HS6ST3: variants seen among roughly 807,000 people sequenced by gnomAD.
The protein encoded by HS6ST3 is heparan sulfate 6-O-sulfotransferase 3, also known as heparan-sulfate 6-O-sulfotransferase 3.
HS6ST3 carries 12 observed loss-of-function variants against 36.7 expected under a neutral mutation model. The ratio of observed to expected loss-of-function variants is 0.33; its 90% CI spans 0.21 to 0.53. The LOEUF is 0.53. HS6ST3 is among the 20% of genes least tolerant of loss of function. The pLI is 0.95. For synonymous variants in HS6ST3, 240 were observed against 257.5 expected (o/e 0.93, Z 0.65); for missense variants, 584 against 640.9 (o/e 0.91, Z 0.96).
chr13:96,555,948 A>C (rs2056238937), intron 1 of HS6ST3, among the ~76,000 whole-genome samples: 2 of 152,222 alleles, frequency 1.3e-5, no homozygotes, highest in South Asian at 4.1e-4. Context: ...TGGACTTTTT[A>C]ACAGGAAAAT....
intron 1 of HS6ST3, among the ~76,000 whole-genome samples, chr13:96,745,279 C>T (rs1234900958): frequency 6.6e-6 from 1 of 152,050 alleles, no homozygotes; most frequent in Non-Finnish European, 1.5e-5. Flanking sequence ...TTAAGCTATC[C>T]TCAATTTGAA....
intron 1 of HS6ST3, among the ~76,000 whole-genome samples, chr13:96,769,120 C>T (rs992580052): frequency 6.6e-5 from 10 of 152,026 alleles, no homozygotes; most frequent in Non-Finnish European, 1.0e-4. Flanking sequence ...GCCCCACCTC[C>T]CCACCAAACA....
chr13:96,697,891 T>C (rs1875174137), intron 1 of HS6ST3, among the ~76,000 whole-genome samples: 1 of 152,222 alleles, frequency 6.6e-6, no homozygotes, highest in Admixed American at 6.5e-5. Flanking sequence ...AAACTAAAAG[T>C]ATAAGGGAAA....
chr13:96,486,017 C>G (rs1291293961), intron 1 of HS6ST3, among the ~76,000 whole-genome samples: 1 of 118,488 alleles, frequency 8.4e-6, no homozygotes, highest in Non-Finnish European at 1.7e-5. Flanking sequence ...CTCCCCCCTC[C>G]CCCCACCCCA....
intron 1 of HS6ST3, among the ~76,000 whole-genome samples, chr13:96,678,041 G>C (rs143264230): frequency 6.6e-6 from 1 of 152,222 alleles, no homozygotes; most frequent in Non-Finnish European, 1.5e-5. Context: ...TAGAGGCTGG[G>C]AAGTCCAAGA....
intron 1 of HS6ST3, among the ~76,000 whole-genome samples, chr13:96,556,075 G>A (rs1338564139): frequency 6.6e-6 from 1 of 152,198 alleles, no homozygotes; most frequent in African/African-American, 2.4e-5. Flanking sequence ...TTCAGGAAGA[G>A]TCTGAAGGTC....
In HS6ST3 at chr13:96,090,803, G is replaced by C; in HGVS notation, c.-60G>C. On this transcript the variant is annotated 5_prime_UTR_variant, in exon 1 of 2. Coordinates refer to ENST00000376705, the MANE Select transcript of HS6ST3 (RefSeq NM_153456.4). ...GAGTCCGCGAAACTTCCGAGCGGGC[G>C]CCCGTCCGCCCTGCCGCCGCCGCCG... is the stretch of plus-strand genomic sequence containing the variant. 7.3e-7 allele frequency: 1 copy of C among 1,375,966 alleles called. No individual in the cohort carries two copies. The highest frequency in any genetic ancestry group is 9.5e-7 in the Non-Finnish European group (1 of 1,055,276). The allele number at this position is 1,375,966 out of a possible 1,614,324, so 85.2% of individuals were successfully genotyped here. A position where few individuals can be genotyped will look rare whatever the true frequency, so the allele number is the denominator to read the frequency against.
chr13:96,604,071 T>C (rs750316045), intron 1 of HS6ST3, among the ~76,000 whole-genome samples: 17 of 152,184 alleles, frequency 1.1e-4, no homozygotes, highest in Non-Finnish European at 1.8e-4. Context: ...ACTGTGCATA[T>C]GGTAAGAGCT....
intron 1 of HS6ST3, among the ~76,000 whole-genome samples, chr13:96,823,128 G>T (rs1161078441): frequency 6.6e-6 from 1 of 152,172 alleles, no homozygotes; most frequent in Non-Finnish European, 1.5e-5. Context: ...TGTGCCCCAT[G>T]ATGTCAGGCC....
intron 1 of HS6ST3, among the ~76,000 whole-genome samples, chr13:96,322,953 G>A (rs909354024): frequency 2.0e-5 from 3 of 152,078 alleles, no homozygotes; most frequent in African/African-American, 7.2e-5. Flanking sequence ...TGCCCGCCTG[G>A]TGTGCCTCCT....
chr13:96,586,496 A>G (rs1055399866), intron 1 of HS6ST3, among the ~76,000 whole-genome samples: 1 of 152,036 alleles, frequency 6.6e-6, no homozygotes, highest in Admixed American at 6.6e-5. Context: ...GGTTTTCACC[A>G]TGTTGGCCAG....
intron 1 of HS6ST3, among the ~76,000 whole-genome samples, chr13:96,184,902 G>A (rs1035499155): frequency 6.6e-6 from 1 of 151,958 alleles, no homozygotes; most frequent in Admixed American, 6.6e-5. Flanking sequence ...CTGCTATCCC[G>A]CCAGGGCCCT....
chr13:96,679,642 A>C, intron 1 of HS6ST3, among the ~76,000 whole-genome samples: 1 of 152,028 alleles, frequency 6.6e-6, no homozygotes, highest in Non-Finnish European at 1.5e-5. Flanking sequence ...TCTTTTTGAT[A>C]TGCTTCCCTT....
intron 1 of HS6ST3, among the ~76,000 whole-genome samples, chr13:96,543,573 T>C (rs568433355): frequency 6.6e-6 from 1 of 152,320 alleles, no homozygotes; most frequent in African/African-American, 2.4e-5. Flanking sequence ...GATCATCTCT[T>C]AGCTATACAA....
intron 1 of HS6ST3, among the ~76,000 whole-genome samples, chr13:96,580,418 C>G (rs952937776): frequency 6.7e-6 from 1 of 148,932 alleles, no homozygotes; most frequent in South Asian, 2.1e-4. Context: ...AATAGTTGTA[C>G]CTTATAGATG....
At chr13:96,728,905 AAG>A (rs753010647) in intron 1 of HS6ST3, among the ~76,000 whole-genome samples, 19 of 152,154 alleles carry the variant, frequency 1.2e-4, no homozygotes, top group Non-Finnish European at 1.9e-4. Flanking sequence ...GTAGGTTGGA[AAG>A]AGAGAGAGTG....
At chr13:96,752,305 A>G (rs1876720409) in intron 1 of HS6ST3, among the ~76,000 whole-genome samples, 1 of 151,358 alleles carries the variant, frequency 6.6e-6, no homozygotes, top group Non-Finnish European at 1.5e-5. Flanking sequence ...GTTTACAATC[A>G]TGCTTGAGCA....
chr13:96,550,338 C>T (rs890983293), intron 1 of HS6ST3, among the ~76,000 whole-genome samples: 2 of 152,158 alleles, frequency 1.3e-5, no homozygotes, highest in African/African-American at 4.8e-5. Flanking sequence ...GACATGCCTG[C>T]CCCTCCTCCA....
intron 1 of HS6ST3, among the ~76,000 whole-genome samples, chr13:96,467,319 T>C (rs927724964): frequency 2.0e-5 from 3 of 152,226 alleles, no homozygotes. Context: ...TCTTAGCACG[T>C]GGCACAGTCG....
Sources: allele counts gnomAD v4.1 joint callset (sites outside exome capture counted in the v4.1 genomes callset), GRCh38; gene constraint gnomAD v4.1.1; transcripts MANE v1.5; gene names NCBI Gene and HGNC (gene_info 2026-07-23, HGNC 2026-07-21).